ALG12: variants seen among roughly 807,000 people sequenced by gnomAD.
ALG12 encodes the protein ALG12 alpha-1,6-mannosyltransferase.
In ALG12, 36 loss-of-function variants were observed where a neutral mutation model predicts 46.0. The ratio of observed to expected loss-of-function variants is 0.78; its 90% CI spans 0.60 to 1.03. The LOEUF is 1.03. Among genes scored for constraint, ALG12 ranks in the 50% least tolerant of loss-of-function variants. ALG12 has a pLI of 0.00. For synonymous variants in ALG12, 326 were observed against 291.6 expected, an observed-to-expected ratio of 1.12 and a Z score of -1.20; for missense variants, 599 against 633.5, an observed-to-expected ratio of 0.95 and a Z score of 0.58.
At chr22:49,910,276 G>A (rs1322112992) in intron 4 of ALG12, among the ~76,000 whole-genome samples, 158 bp downstream of exon 4, 1 of 152,250 alleles carries the variant, frequency 6.6e-6, no homozygotes, top group African/African-American at 2.4e-5. Flanking sequence ...AACCCAGCAT[G>A]GAAAACAAAG....
At chr22:49,892,292 G>T in the ALG12 span, among the ~76,000 whole-genome samples, 3 of 151,880 alleles carry the variant, frequency 2.0e-5, no homozygotes, top group Non-Finnish European at 4.4e-5. Context: ...GCATAAAGGT[G>T]AGTCCTGTGT....
At chr22:49,883,539 G>C in the ALG12 span, 1 of 1,325,968 alleles carries the variant, frequency 7.5e-7, no homozygotes, top group Non-Finnish European at 1.0e-6. Context: ...CATATTTCTA[G>C]AAACATCCTG....
Position 49,910,491 on chromosome 22 carries a change from A to T in ALG12, c.412T>A (p.Phe138Ile). The change falls in exon 4 of 10, where the codon TTC (phenylalanine) becomes ATC (isoleucine). Residue 138 changes from phenylalanine to isoleucine, a missense_variant. Transcript: ENST00000330817. ...TMFCWVTAMQ[F>I]HLMFYCTRTL... ...CGCGTGCAGTAGAACATCAGGTGGAACTGCATGGCCGTCACCCAGCAGAAC... is the reference window on the plus strand; with the variant it reads ...CGCGTGCAGTAGAACATCAGGTGGATCTGCATGGCCGTCACCCAGCAGAAC... 1 of 1,613,960 alleles carries T rather than the reference A, an allele frequency of 6.2e-7. No individual in the cohort carries two copies. The highest frequency in any genetic ancestry group is 8.5e-7 in the Non-Finnish European group (1 of 1,180,032).
downstream of ALG12, among the ~76,000 whole-genome samples, chr22:49,898,681 C>T (rs1601813365): frequency 6.6e-6 from 1 of 152,286 alleles, no homozygotes; most frequent in South Asian, 2.1e-4. Flanking sequence ...TAAGCCACCA[C>T]ACCCGGCCAA....
chr22:49,909,215 C>A (rs759131070), intron 6 of ALG12, 29 bp downstream of exon 6: 2 of 1,602,838 alleles, frequency 1.2e-6, no homozygotes, highest in Non-Finnish European at 1.7e-6. Flanking sequence ...TCCCACCCAT[C>A]GCCCTCCTGC....
At position 49,913,191 on chromosome 22, in the gene ALG12, G is replaced by A. The variant is rs2060589383; in HGVS notation, c.295+194C>T. Among the ~76,000 whole-genome samples the A allele has an allele frequency of 4.6e-5, 7 of 152,346 alleles. 1 individual carries two copies. Among genetic ancestry groups the A allele is most frequent in the Admixed American group, 4.6e-4 (7 of 15,314 alleles). On this transcript the variant is annotated intron_variant, in intron 3 of 9. Transcript: ENST00000330817. The stretch of plus-strand genomic sequence containing the variant: ...CCCTAATTTCACAGTCAAGAGTGTG[G>A]AGGCACAGAGGGGCTGACTCAGACG...
At chr22:49,885,504 T>C in the ALG12 span, 5 of 1,610,898 alleles carry the variant, frequency 3.1e-6, no homozygotes, top group South Asian at 4.4e-5. Flanking sequence ...TGCTGAAAAC[T>C]GAGGTCTCGG....
At chr22:49,859,548 C>G in the ALG12 span, among the ~76,000 whole-genome samples, 1 of 152,112 alleles carries the variant, frequency 6.6e-6, no homozygotes, top group African/African-American at 2.4e-5. Flanking sequence ...TCCACAGCGC[C>G]TGGGTTCCTT....
At chr22:49,876,854 A>C in the ALG12 span, among the ~76,000 whole-genome samples, 1 of 152,242 alleles carries the variant, frequency 6.6e-6, no homozygotes, top group Non-Finnish European at 1.5e-5. Context: ...TCAGTTGCTG[A>C]AAACGTCAGA....
At chr22:49,889,545 A>G in the ALG12 span, 1 of 167,182 alleles carries the variant, frequency 6.0e-6, no homozygotes, top group Non-Finnish European at 1.5e-5. Flanking sequence ...GTCAGTGTAT[A>G]AAAGGGGATT....
the ALG12 span, among the ~76,000 whole-genome samples, chr22:49,870,905 C>T: frequency 1.9e-3 from 290 of 151,442 alleles, no homozygotes; most frequent in African/African-American, 6.9e-3. Context: ...AATCATAATT[C>T]ACGTAGCTAC....
chr22:49,870,161 C>CT, the ALG12 span, among the ~76,000 whole-genome samples: 1 of 152,158 alleles, frequency 6.6e-6, no homozygotes, highest in Non-Finnish European at 1.5e-5. Context: ...TGATTTTGTT[C>CT]TTTTTTATGG....
the ALG12 span, among the ~76,000 whole-genome samples, chr22:49,880,961 C>T: frequency 6.6e-6 from 1 of 152,126 alleles, no homozygotes; most frequent in African/African-American, 2.4e-5. Flanking sequence ...TACTTGTGTA[C>T]CTGTATACTA....
chr22:49,861,610 A>G, the ALG12 span, among the ~76,000 whole-genome samples: 2 of 151,772 alleles, frequency 1.3e-5, no homozygotes, highest in Non-Finnish European at 2.9e-5. Context: ...TTTTTTTCAA[A>G]TTTTTTGTAG....
At chr22:49,879,361 G>T in the ALG12 span, among the ~76,000 whole-genome samples, 6 of 151,588 alleles carry the variant, frequency 4.0e-5, no homozygotes, top group Non-Finnish European at 7.4e-5. Flanking sequence ...TCCTGAGCTC[G>T]GTTGATCCGT....
At chr22:49,877,984 A>C in the ALG12 span, among the ~76,000 whole-genome samples, 19 of 152,300 alleles carry the variant, frequency 1.2e-4, no homozygotes, top group Non-Finnish European at 2.2e-4. Context: ...TACTACATAT[A>C]AAGCTGCTGT....
downstream of ALG12, among the ~76,000 whole-genome samples, chr22:49,895,494 A>G (rs1157740460): frequency 1.3e-5 from 2 of 151,922 alleles, no homozygotes; most frequent in Non-Finnish European, 2.9e-5. Context: ...TCTACTAAAA[A>G]TACAAAAATT....
chr22:49,872,307 G>A, the ALG12 span, among the ~76,000 whole-genome samples: 2 of 152,152 alleles, frequency 1.3e-5, no homozygotes, highest in Non-Finnish European at 2.9e-5. Context: ...CTAAGCAGCA[G>A]CTCCTCATTC....
At chr22:49,865,055 T>C in the ALG12 span, among the ~76,000 whole-genome samples, 1 of 150,728 alleles carries the variant, frequency 6.6e-6, no homozygotes, top group Non-Finnish European at 1.5e-5. Flanking sequence ...CGGGTCTCAC[T>C]AAGGGCAGGG....
Sources: allele counts gnomAD v4.1 joint callset (sites outside exome capture counted in the v4.1 genomes callset), GRCh38; gene constraint gnomAD v4.1.1; transcripts MANE v1.5; gene names NCBI Gene and HGNC (gene_info 2026-07-23, HGNC 2026-07-21).